The following GRIK4 variants were observed in gnomAD, a reference collection of about 807,000 sequenced individuals.
The protein encoded by GRIK4 is glutamate ionotropic receptor kainate type subunit 4.
GRIK4 carries 40 observed loss-of-function variants against 104.9 expected under a neutral mutation model. The observed-to-expected ratio is 0.38, with a 90% CI of 0.30 to 0.50. The LOEUF (loss-of-function observed/expected upper bound fraction) is 0.50. GRIK4 is among the 20% of genes least tolerant of loss of function. The pLI is 0.93. For synonymous variants in GRIK4, 485 were observed against 524.9 expected, an observed-to-expected ratio of 0.92 and a Z score of 1.04; for missense variants, 1,047 against 1,308.1, an observed-to-expected ratio of 0.80 and a Z score of 3.08.
chr11:120,567,739 G>A lies in GRIK4; in HGVS notation c.-159+55852G>A, dbSNP rs527521766. ...TTCCCTTCTCAGACACTTGTGGCTG[G>A]CCCTAGGTAGTGAGTGGGTATGGGA... On this transcript the variant is annotated intron_variant, in intron 1 of 20. Coordinates refer to ENST00000527524, the MANE Select transcript of GRIK4 (RefSeq NM_014619.5). 2.6e-5 allele frequency among the ~76,000 whole-genome samples: 4 copies of A among 152,308 alleles called. No individual in the cohort carries two copies. In the East Asian group the frequency reaches 7.7e-4, roughly 29 times the overall value.
intron 3 of GRIK4, among the ~76,000 whole-genome samples, chr11:120,779,036 C>T (rs894380397): frequency 2.0e-5 from 3 of 152,070 alleles, no homozygotes; most frequent in African/African-American, 7.2e-5. Flanking sequence ...GGGAGGTGAG[C>T]GCCGACTTAG....
At chr11:120,764,015 C>T (rs1035137164) in intron 3 of GRIK4, among the ~76,000 whole-genome samples, 4 of 152,134 alleles carry the variant, frequency 2.6e-5, no homozygotes, top group East Asian at 1.9e-4. Context: ...TTTTCTGTCT[C>T]GTTGATCTGT....
At chr11:120,906,784 A>G (rs1942877455) in intron 13 of GRIK4, among the ~76,000 whole-genome samples, 1 of 152,230 alleles carries the variant, frequency 6.6e-6, no homozygotes, top group East Asian at 1.9e-4. Context: ...CTGACGGAAC[A>G]TGGACGGCAT....
At chr11:120,568,389 CTTTTCT>C (rs1045564867) in intron 1 of GRIK4, among the ~76,000 whole-genome samples, 2 of 140,456 alleles carry the variant, frequency 1.4e-5, no homozygotes, top group South Asian at 2.1e-4. Context: ...CTTTTCTTTT[CTTTTCT>C]TTTTTTTTTT....
At chr11:120,950,963 C>T (rs147121190) in intron 14 of GRIK4, among the ~76,000 whole-genome samples, 1 of 152,298 alleles carries the variant, frequency 6.6e-6, no homozygotes, top group East Asian at 1.9e-4. Context: ...GTGTTGTATG[C>T]AGACTGAGCA....
At chr11:120,806,534 T>C (rs1802919183) in intron 4 of GRIK4, among the ~76,000 whole-genome samples, 1 of 152,214 alleles carries the variant, frequency 6.6e-6, no homozygotes, top group South Asian at 2.1e-4. Context: ...CCTGTCACCC[T>C]GTGGCCAGGG....
chr11:120,617,494 C>T (rs751106794), intron 1 of GRIK4, among the ~76,000 whole-genome samples: 1 of 152,180 alleles, frequency 6.6e-6, no homozygotes, highest in Non-Finnish European at 1.5e-5. Context: ...ATCCTCCCAT[C>T]TCAGCCTCCT....
At chr11:120,694,518 C>T (rs1033902051) in intron 3 of GRIK4, among the ~76,000 whole-genome samples, 1 of 152,138 alleles carries the variant, frequency 6.6e-6, no homozygotes, top group African/African-American at 2.4e-5. Flanking sequence ...GCTCTGTTTC[C>T]CCACCCACCC....
rs996842330 is a variant in GRIK4 at position 120,956,633 on chromosome 11, G to A, written c.1701-147G>A. ...ACTTATTTTATTTTATTTTTTTTTT[G>A]GTTGCGAAACTCCAAGTCCAGCAAA... On this transcript the variant is annotated intron_variant, in intron 15 of 20. Transcript: ENST00000527524. The surrounding 1 kb of genome is among the most constrained non-coding windows in gnomAD (Gnocchi z 4.6). 2 of 445,858 alleles carry A rather than the reference G, an allele frequency of 4.5e-6. No individual in the cohort carries two copies. The highest frequency in any genetic ancestry group is 3.4e-5 in the East Asian group (1 of 29,420). 27.6% of individuals were successfully genotyped at this position (445,858 alleles called of 1,614,324 possible).
At chr11:120,707,402 C>T (rs1158529600) in intron 3 of GRIK4, among the ~76,000 whole-genome samples, 1 of 152,180 alleles carries the variant, frequency 6.6e-6, no homozygotes, top group Non-Finnish European at 1.5e-5. Context: ...CAATTCTGAA[C>T]TCTGTCCCCC....
intron 1 of GRIK4, among the ~76,000 whole-genome samples, chr11:120,630,444 C>G (rs1016438927): frequency 2.0e-5 from 3 of 152,258 alleles, no homozygotes; most frequent in Non-Finnish European, 4.4e-5. Flanking sequence ...GGAGGCAGCC[C>G]AGGCTCTGCA....
intron 5 of GRIK4, among the ~76,000 whole-genome samples, chr11:120,815,825 C>T (rs879660793): frequency 1.3e-5 from 2 of 152,174 alleles, no homozygotes; most frequent in Non-Finnish European, 2.9e-5. Flanking sequence ...TCTGAGCGTC[C>T]ACTCTCGTGT....
At chr11:120,720,535 T>C (rs1308123769) in intron 3 of GRIK4, among the ~76,000 whole-genome samples, 2 of 152,132 alleles carry the variant, frequency 1.3e-5, no homozygotes, top group East Asian at 1.9e-4. Flanking sequence ...TGTTGATGTG[T>C]CCTGCTTTGG....
At chr11:120,619,895 T>C in intron 1 of GRIK4, 1 of 256,150 alleles carries the variant, frequency 3.9e-6, no homozygotes, top group Non-Finnish European at 7.4e-6. Flanking sequence ...TTTTTAATAC[T>C]GAAAAGAGTT....
chr11:120,624,018 C>T (rs796201961), intron 1 of GRIK4, among the ~76,000 whole-genome samples: 16 of 151,880 alleles, frequency 1.1e-4, no homozygotes, highest in Non-Finnish European at 1.8e-4. Context: ...TCCGCCCTGC[C>T]TCTCTCCATC....
At chr11:120,897,599 C>T (rs1350352441) in intron 11 of GRIK4, among the ~76,000 whole-genome samples, 1 of 2,622 alleles carries the variant, frequency 3.8e-4, no homozygotes, top group Non-Finnish European at 1.6e-3. Context: ...AAGACTCCTT[C>T]TCAAAAAAAA....
intron 9 of GRIK4, among the ~76,000 whole-genome samples, chr11:120,866,666 A>G (rs1040437794): frequency 1.2e-4 from 18 of 152,088 alleles, no homozygotes; most frequent in Non-Finnish European, 2.5e-4. Flanking sequence ...GCTGAGCTGC[A>G]CCGGCTCAAG....
intron 7 of GRIK4, 55 bp downstream of exon 7, chr11:120,832,085 T>G: frequency 1.6e-6 from 2 of 1,263,526 alleles, no homozygotes; most frequent in Non-Finnish European, 2.2e-6. Context: ...TCCCCCCTCC[T>G]TGCCTTGAGG....
At chr11:120,816,127 T>C (rs1190465371) in intron 5 of GRIK4, among the ~76,000 whole-genome samples, 2 of 152,022 alleles carry the variant, frequency 1.3e-5, no homozygotes, top group Non-Finnish European at 2.9e-5. Flanking sequence ...AAAAAAATGG[T>C]AGGGCACAAG....
Sources: allele counts gnomAD v4.1 joint callset (sites outside exome capture counted in the v4.1 genomes callset), GRCh38; gene constraint gnomAD v4.1.1; non-coding constraint Gnocchi (gnomAD v3.1); transcripts MANE v1.5; gene names NCBI Gene and HGNC (gene_info 2026-07-23, HGNC 2026-07-21).